The following PELI1 variants were observed in gnomAD, a reference collection of about 807,000 sequenced individuals.
The protein encoded by PELI1 is pellino E3 ubiquitin protein ligase 1.
PELI1 carries 15 observed loss-of-function variants against 41.3 expected under a neutral mutation model. The ratio of observed to expected loss-of-function variants is 0.36; its 90% CI spans 0.24 to 0.56. PELI1 has a LOEUF of 0.56. PELI1 is among the 20% of genes least tolerant of loss of function. The pLI is 0.82. For synonymous variants in PELI1, 178 were observed against 180.1 expected, an observed-to-expected ratio of 0.99 and a Z score of 0.09; for missense variants, 403 against 525.5, an observed-to-expected ratio of 0.77 and a Z score of 2.28.
At chr2:64,143,689 T>C (rs1056425606) in intron 1 of PELI1, among the ~76,000 whole-genome samples, 5 of 152,284 alleles carry the variant, frequency 3.3e-5, no homozygotes, top group African/African-American at 1.2e-4. Context: ...AAAGAAGTTA[T>C]CAGATCCGCA....
intron 1 of PELI1, among the ~76,000 whole-genome samples, chr2:64,137,419 TA>T (rs1209032384): frequency 6.6e-6 from 1 of 152,206 alleles, no homozygotes; most frequent in Non-Finnish European, 1.5e-5. Flanking sequence ...ATGCAGAATA[TA>T]AATGAAATTT....
At chr2:64,131,100 G>A (rs748025120) in intron 1 of PELI1, among the ~76,000 whole-genome samples, 8 of 151,850 alleles carry the variant, frequency 5.3e-5, no homozygotes, top group African/African-American at 1.7e-4. Flanking sequence ...GAGAACCTTC[G>A]TTTTCATGGT....
intron 1 of PELI1, among the ~76,000 whole-genome samples, chr2:64,126,213 G>C (rs1681378489): frequency 6.6e-6 from 1 of 152,178 alleles, no homozygotes; most frequent in Non-Finnish European, 1.5e-5. Flanking sequence ...TGCCAGGCTG[G>C]AGTGCAGTCA....
rs1204223628 is a variant in PELI1 at position 64,096,456 on chromosome 2, A to G, written c.458T>C (p.Ile153Thr). Reference sequence around the variant, plus strand: ...TGATGAGTCAAATCCTGCAGCATAAATCCGTGCTGTAAAGGGAGGATTCCG... The same window carrying G: ...TGATGAGTCAAATCCTGCAGCATAAGTCCGTGCTGTAAAGGGAGGATTCCG... The part of the protein sequence containing the change: ...CERNPPFTAR[I>T]YAAGFDSSKN... The change falls in exon 5 of 7, where the codon ATT becomes ACT. Residue 153 changes from isoleucine to threonine, a missense_variant. By Grantham distance (89) the Ile-to-Thr change is moderately conservative (BLOSUM62 -1). Transcript: ENST00000358912. 6.2e-7 allele frequency: 1 copy of G among 1,613,868 alleles called. No homozygotes were observed. The highest frequency in any genetic ancestry group is 1.1e-5 in the South Asian group (1 of 91,074).
chr2:64,100,513 A>T lies in PELI1; in HGVS notation c.202-14T>A. On this transcript the variant is annotated splice_polypyrimidine_tract_variant and intron_variant, in intron 3 of 6. Coordinates refer to ENST00000358912, the MANE Select transcript of PELI1 (RefSeq NM_020651.4). ...GTTGCTTATTGCCTAAGAATGAAAA[A>T]GTTAATAGCAAAAATTAGTAGGCAG... is the stretch of plus-strand genomic sequence containing the variant. 3 of 1,323,484 alleles carry T rather than the reference A, an allele frequency of 2.3e-6. No homozygotes were observed. The highest frequency in any genetic ancestry group is 3.3e-6 in the Non-Finnish European group (3 of 916,460). 82.0% of individuals were successfully genotyped at this position (1,323,484 alleles called of 1,614,324 possible).
chr2:64,120,469 G>C (rs988251041), intron 1 of PELI1, among the ~76,000 whole-genome samples: 1 of 152,196 alleles, frequency 6.6e-6, no homozygotes, highest in Non-Finnish European at 1.5e-5. Context: ...GCAAATCATC[G>C]ATAATCTCCA....
chr2:64,115,032 GTA>G (rs755640712), intron 1 of PELI1, among the ~76,000 whole-genome samples: 46,779 of 152,100 alleles, frequency 0.31, 7,811 homozygotes, highest in East Asian at 0.77. Context: ...TAAAGGCCGT[GTA>G]GTTGAAGGCG....
rs1215768507 is a variant in PELI1 at position 64,095,517 on chromosome 2, A to G, written c.691-249T>C. ...TATGATTAAAACATCTGGCTAATCA[A>G]TAAGTCTAATATTTTTAATGAGGTA... is the stretch of plus-strand genomic sequence containing the variant. On this transcript the variant is annotated intron_variant, in intron 6 of 6. Transcript: ENST00000358912. Among the ~76,000 whole-genome samples the G allele has an allele frequency of 3.3e-5, 5 of 152,360 alleles. No individual in the cohort carries two copies. The East Asian group carries it at 9.6e-4, about 29-fold the overall frequency.
chr2:64,131,868 A>C (rs1260804013), intron 1 of PELI1, among the ~76,000 whole-genome samples: 1 of 151,866 alleles, frequency 6.6e-6, no homozygotes, highest in Non-Finnish European at 1.5e-5. Context: ...TGATCCACCC[A>C]CCTTGGCCTC....
In PELI1 at chr2:64,106,310, G is replaced by C. The variant is rs549049874; in HGVS notation, c.72-1480C>G. 1.4e-4 allele frequency: 22 copies of C among 152,278 alleles called. No individual in the cohort carries two copies. The South Asian group carries it at 4.6e-3, about 32-fold the overall frequency. The allele number at this position is 152,278 out of a possible 1,614,324, so 9.4% of individuals were successfully genotyped here. A position where few individuals can be genotyped will look rare whatever the true frequency, so the allele number is the denominator to read the frequency against. ...TGTCCAGCTTCACTTCTAGAGGGTT[G>C]AGAAGAAAAATTATCTGCATTTTAA... On this transcript the variant is annotated intron_variant, in intron 2 of 6. Transcript: ENST00000358912.
chr2:64,095,176 G>A lies in PELI1; in HGVS notation c.783C>T (p.His261=). 6.2e-7 allele frequency: 1 copy of A among 1,614,110 alleles called. No individual in the cohort carries two copies. The highest frequency in any genetic ancestry group is 8.5e-7 in the Non-Finnish European group (1 of 1,179,940). The change falls in exon 7 of 7, where the codon CAC becomes CAT. Residue 261 remains histidine, a synonymous_variant. Coordinates refer to ENST00000358912, the MANE Select transcript of PELI1 (RefSeq NM_020651.4). ...LLWRTAEGLS[H]TPTVKHLEAL... The stretch of plus-strand genomic sequence containing the variant: ...CTTCTAAATGCTTCACGGTAGGAGT[G>A]TGGGAAAGGCCTTCTGCAGTACGCC...
chr2:64,120,863 G>T (rs1681184977), intron 1 of PELI1, among the ~76,000 whole-genome samples: 1 of 152,164 alleles, frequency 6.6e-6, no homozygotes, highest in African/African-American at 2.4e-5. Context: ...TGTGTCCACA[G>T]GACAATAGTT....
chr2:64,099,201 CAT>C lies in PELI1; in HGVS notation c.303+1195_303+1196del, dbSNP rs1553354360. ...ACACACACACACACACACACACACA[CAT>C]ATATATTTATCTATATTTTATTAAA... is the stretch of plus-strand genomic sequence containing the variant. On this transcript the variant is annotated intron_variant, in intron 4 of 6. Coordinates refer to ENST00000358912, the MANE Select transcript of PELI1 (RefSeq NM_020651.4). 7.9e-3 allele frequency among the ~76,000 whole-genome samples: 1,176 copies of C among 149,572 alleles called. 4 individuals are homozygous for C. The highest frequency in any genetic ancestry group is 0.038 in the Middle Eastern group (11 of 288).
intron 1 of PELI1, among the ~76,000 whole-genome samples, chr2:64,138,473 AT>A (rs1681790239): frequency 1.3e-5 from 2 of 152,150 alleles, no homozygotes; most frequent in Non-Finnish European, 2.9e-5. Context: ...CCCACCTGTA[AT>A]CCCAGCACTT....
chr2:64,134,149 G>C (rs1681645924), intron 1 of PELI1, among the ~76,000 whole-genome samples: 1 of 152,098 alleles, frequency 6.6e-6, no homozygotes, highest in South Asian at 2.1e-4. Flanking sequence ...CCTTTTGGAA[G>C]CCATTTTAAA....
intron 1 of PELI1, among the ~76,000 whole-genome samples, chr2:64,127,246 A>T (rs997729240): frequency 2.0e-5 from 3 of 152,212 alleles, no homozygotes; most frequent in African/African-American, 4.8e-5. Context: ...AGCCATTAAG[A>T]GTTTATTTGA....
intron 3 of PELI1, among the ~76,000 whole-genome samples, chr2:64,104,292 C>T (rs1680543654): frequency 6.6e-6 from 1 of 151,778 alleles, no homozygotes; most frequent in African/African-American, 2.4e-5. Flanking sequence ...TCCAAATGTG[C>T]TTCTAATACC....
chr2:64,112,556 T>C (rs1322409677), intron 1 of PELI1, among the ~76,000 whole-genome samples: 1 of 152,220 alleles, frequency 6.6e-6, no homozygotes, highest in Non-Finnish European at 1.5e-5. Flanking sequence ...ATCAGACATA[T>C]TCTTACTCTG....
chr2:64,114,584 A>G (rs1002275255), intron 1 of PELI1, among the ~76,000 whole-genome samples: 1 of 152,218 alleles, frequency 6.6e-6, no homozygotes, highest in Non-Finnish European at 1.5e-5. Context: ...TAGCATGCTG[A>G]TAGTATATCA....
Sources: gnomAD v4.1 joint callset for allele counts (sites outside exome capture counted in the v4.1 genomes callset) on GRCh38, gnomAD v4.1.1 for gene constraint, MANE v1.5 for transcripts, NCBI Gene and HGNC (gene_info 2026-07-23, HGNC 2026-07-21) for gene names.